CHRM3: variants seen among roughly 807,000 people sequenced by gnomAD.
CHRM3 encodes cholinergic receptor muscarinic 3.
A neutral mutation model predicts 41.8 loss-of-function variants in CHRM3; 11 were observed. That is an observed-to-expected ratio of 0.26 (90% CI 0.17 to 0.44). The LOEUF (loss-of-function observed/expected upper bound fraction) is 0.44. Ranked by LOEUF, CHRM3 falls within the 20% of genes least tolerant of loss-of-function variation. The pLI is 1.00. For missense variants in CHRM3, 571 were observed against 745.4 expected, an observed-to-expected ratio of 0.77 and a Z score of 2.72; for synonymous variants, 297 against 301.4, an observed-to-expected ratio of 0.99 and a Z score of 0.15.
chr1:239,482,103 A>T (rs1295191896), intron 1 of CHRM3, among the ~76,000 whole-genome samples: 1 of 151,696 alleles, frequency 6.6e-6, no homozygotes, highest in Non-Finnish European at 1.5e-5. Flanking sequence ...CAGACACCTC[A>T]CCTATGTTCT....
chr1:239,750,142 A>G (rs1665688866), intron 5 of CHRM3, among the ~76,000 whole-genome samples: 1 of 152,172 alleles, frequency 6.6e-6, no homozygotes, highest in Non-Finnish European at 1.5e-5. Context: ...TGATCTGTAC[A>G]TACTTTCATC....
chr1:239,500,492 G>A (rs1668163140), intron 2 of CHRM3, among the ~76,000 whole-genome samples: 1 of 151,720 alleles, frequency 6.6e-6, no homozygotes, highest in Non-Finnish European at 1.5e-5. Context: ...GGGAGGGATA[G>A]CATTTGGAGA....
At chr1:239,785,798 CTT>C (rs1195073516) in intron 5 of CHRM3, among the ~76,000 whole-genome samples, 1 of 152,050 alleles carries the variant, frequency 6.6e-6, no homozygotes. Context: ...CACTAATAGA[CTT>C]TGGTTTTTGT....
At chr1:239,864,080 A>T (rs192945255) in intron 6 of CHRM3, among the ~76,000 whole-genome samples, 1 of 120,372 alleles carries the variant, frequency 8.3e-6, no homozygotes, top group Non-Finnish European at 1.7e-5. Flanking sequence ...TTGATTTAAG[A>T]AAAAAAAAAA....
intron 5 of CHRM3, among the ~76,000 whole-genome samples, chr1:239,728,834 T>G (rs1393183199): frequency 1.3e-5 from 2 of 151,934 alleles, no homozygotes; most frequent in Non-Finnish European, 2.9e-5. Context: ...TTATTATTAC[T>G]ATAGATTAAG....
chr1:239,888,597 CA>C (rs34779972), intron 6 of CHRM3, among the ~76,000 whole-genome samples: 35,534 of 99,200 alleles, frequency 0.36, 4,278 homozygotes, highest in Admixed American at 0.42. Context: ...GACCCTGTCT[CA>C]AAAAAAAAAA....
chr1:239,736,832 C>G (rs570411014), intron 5 of CHRM3, among the ~76,000 whole-genome samples: 43 of 152,238 alleles, frequency 2.8e-4, no homozygotes, highest in African/African-American at 1.0e-3. Flanking sequence ...ATAAAAATGG[C>G]TGCAACTTAA....
In CHRM3 at chr1:239,881,739, A is replaced by C. The variant is rs550242030; in HGVS notation, c.-19-25694A>C. 3.9e-5 allele frequency among the ~76,000 whole-genome samples: 6 copies of C among 152,250 alleles called. No homozygotes were observed. The South Asian group carries it at 1.0e-3, about 26-fold the overall frequency. On this transcript the variant is annotated intron_variant, in intron 6 of 6. Coordinates refer to ENST00000676153, the MANE Select transcript of CHRM3 (RefSeq NM_001375978.1). ...CCAAAGGAAGAAAACCTTGTCAGCA[A>C]AGCCCCCAGCCCCTTTAATTTCTAC...
intron 5 of CHRM3, among the ~76,000 whole-genome samples, chr1:239,681,661 A>G (rs1277502824): frequency 6.6e-6 from 1 of 152,196 alleles, no homozygotes; most frequent in Non-Finnish European, 1.5e-5. Context: ...TGGGAGGCCA[A>G]GGTGGGAGAT....
At chr1:239,462,706 A>C (rs1665447806) in intron 1 of CHRM3, among the ~76,000 whole-genome samples, 1 of 152,232 alleles carries the variant, frequency 6.6e-6, no homozygotes, top group South Asian at 2.1e-4. Context: ...TACATACAGC[A>C]TGTTTGAAGC....
In CHRM3 at chr1:239,748,275, G is replaced by A. The variant is rs538996879; in HGVS notation, c.-147+69987G>A. On this transcript the variant is annotated intron_variant, in intron 5 of 6. Transcript: ENST00000676153. This position sits in a 1 kb window ranked among gnomAD's most constrained non-coding sequence, Gnocchi z 4.3. ...CTTTTTATCATTAATTCTCATTATG[G>A]GATTCACATTCCTCATTTTTTGTTT... Among the ~76,000 whole-genome samples, 5 of 152,062 alleles carry A rather than the reference G, an allele frequency of 3.3e-5. No homozygotes were observed. The highest frequency in any genetic ancestry group is 6.5e-5 in the Admixed American group (1 of 15,270).
chr1:239,793,833 A>G (rs1371387460), intron 5 of CHRM3, among the ~76,000 whole-genome samples: 5 of 41,068 alleles, frequency 1.2e-4, no homozygotes, highest in Non-Finnish European at 1.7e-4. Context: ...TTTTTTGGTG[A>G]TAAGATCTCA....
At chr1:239,695,474 T>G (rs2148029657) in intron 5 of CHRM3, among the ~76,000 whole-genome samples, 1 of 152,272 alleles carries the variant, frequency 6.6e-6, no homozygotes, top group African/African-American at 2.4e-5. Context: ...ACTTGCATAT[T>G]TATTTTGCTT....
At chr1:239,550,931 A>G (rs1429620688) in intron 3 of CHRM3, among the ~76,000 whole-genome samples, 1 of 152,024 alleles carries the variant, frequency 6.6e-6, no homozygotes, top group Non-Finnish European at 1.5e-5. Context: ...TTCTTTTATT[A>G]TAATAACTAT....
intron 5 of CHRM3, among the ~76,000 whole-genome samples, chr1:239,757,609 C>G (rs1402874897): frequency 1.3e-5 from 2 of 148,578 alleles, no homozygotes; most frequent in African/African-American, 2.5e-5. Context: ...CAGCCTGGGT[C>G]ACAGAGTGAG....
chr1:239,878,927 G>A (rs535379090), intron 6 of CHRM3, among the ~76,000 whole-genome samples: 54 of 152,292 alleles, frequency 3.5e-4, no homozygotes, highest in African/African-American at 1.3e-3. Flanking sequence ...AGGTGGCCAT[G>A]GAGGGTAAGA....
chr1:239,856,445 T>C (rs892445753), intron 6 of CHRM3, among the ~76,000 whole-genome samples: 7 of 152,142 alleles, frequency 4.6e-5, no homozygotes, highest in Non-Finnish European at 8.8e-5. Context: ...TCTCTCTCTC[T>C]CCTGCTGGCC....
At chr1:239,527,828 G>A (rs1206029593) in intron 2 of CHRM3, among the ~76,000 whole-genome samples, 4 of 152,228 alleles carry the variant, frequency 2.6e-5, no homozygotes, top group Admixed American at 1.3e-4. Flanking sequence ...ATGAATGTAA[G>A]ATATTTAAAT....
chr1:239,891,787 C>G (rs1678573331), intron 6 of CHRM3, among the ~76,000 whole-genome samples: 1 of 152,112 alleles, frequency 6.6e-6, no homozygotes, highest in South Asian at 2.1e-4. Flanking sequence ...CAGAGCCACT[C>G]CATGGCAGAT....
Sources: gnomAD v4.1 joint callset for allele counts (sites outside exome capture counted in the v4.1 genomes callset) on GRCh38, gnomAD v4.1.1 for gene constraint, Gnocchi (gnomAD v3.1) non-coding constraint, MANE v1.5 for transcripts, NCBI Gene and HGNC (gene_info 2026-07-23, HGNC 2026-07-21) for gene names.